RPS6KA2: variants seen among roughly 807,000 people sequenced by gnomAD.
The protein encoded by RPS6KA2 is ribosomal protein S6 kinase alpha-2.
Under a neutral mutation model 91.8 loss-of-function variants are expected in RPS6KA2, and 42 were observed. That is an observed-to-expected ratio of 0.46 (90% confidence interval 0.36 to 0.59). RPS6KA2 has a LOEUF of 0.59. RPS6KA2 is among the 20% of genes least tolerant of loss of function. The pLI, the probability that RPS6KA2 is intolerant of heterozygous loss-of-function variation, is 0.00. For synonymous variants in RPS6KA2, 414 were observed against 393.6 expected (o/e 1.05, Z -0.61); for missense variants, 798 against 978.5 (o/e 0.82, Z 2.46).
At chr6:166,812,605 C>T (rs1779668045) in intron 2 of RPS6KA2, among the ~76,000 whole-genome samples, 1 of 152,162 alleles carries the variant, frequency 6.6e-6, no homozygotes, top group Admixed American at 6.5e-5. Flanking sequence ...CGCGTGGCCT[C>T]CCATACCCGT....
At chr6:166,572,070 C>T (rs11752048) in intron 1 of RPS6KA2, among the ~76,000 whole-genome samples, 2 of 152,080 alleles carry the variant, frequency 1.3e-5, no homozygotes, top group African/African-American at 4.8e-5. Flanking sequence ...CACTATAATA[C>T]TCAGTTTCAT....
chr6:166,563,362 C>G lies in RPS6KA2; in HGVS notation c.100-24578G>C, dbSNP rs1485868643. Among the ~76,000 whole-genome samples, 2 of 152,194 alleles carry G rather than the reference C, an allele frequency of 1.3e-5. No homozygotes were observed. Among genetic ancestry groups the G allele is most frequent in the African/African-American group, 2.4e-5 (1 of 41,432 alleles). On this transcript the variant is annotated intron_variant, in intron 1 of 20. Transcript: ENST00000265678. The surrounding 1 kb of genome is among the most constrained non-coding windows in gnomAD (Gnocchi z 4.1). ...CCTTCTTTTCCGCAGCTCACCTGTT[C>G]CCGGCTTTTCCTCCCAGTCTCCTGG...
intron 2 of RPS6KA2, among the ~76,000 whole-genome samples, chr6:166,835,005 C>A (rs1200821069): frequency 6.6e-6 from 1 of 152,040 alleles, no homozygotes; most frequent in Non-Finnish European, 1.5e-5. Context: ...ATGCAAACAC[C>A]AAGGCTTATC....
chr6:166,602,365 A>G (rs575598859), intron 1 of RPS6KA2, among the ~76,000 whole-genome samples: 1 of 152,378 alleles, frequency 6.6e-6, no homozygotes, highest in Non-Finnish European at 1.5e-5. Flanking sequence ...TATACCCGAG[A>G]GAACCTCCCC....
chr6:166,824,098 T>C (rs1779974251), intron 2 of RPS6KA2, among the ~76,000 whole-genome samples: 1 of 152,116 alleles, frequency 6.6e-6, no homozygotes, highest in African/African-American at 2.4e-5. Context: ...TATATGTGTA[T>C]ACACATGTGA....
At chr6:166,841,700 G>T (rs1352875737) in intron 2 of RPS6KA2, among the ~76,000 whole-genome samples, 3 of 152,204 alleles carry the variant, frequency 2.0e-5, no homozygotes, top group Non-Finnish European at 4.4e-5. Flanking sequence ...CTAAGGAAAA[G>T]GTGAGAGGGG....
chr6:166,419,858 C>T lies in RPS6KA2; in HGVS notation c.1820+24G>A. On this transcript the variant is annotated intron_variant, in intron 18 of 20. Coordinates refer to ENST00000265678, the MANE Select transcript of RPS6KA2 (RefSeq NM_021135.6). This position sits in a 1 kb window ranked among gnomAD's most constrained non-coding sequence, Gnocchi z 5.6. Reference sequence around the variant, plus strand: ...GCTGCTGCCCTGTGTCTCCTCCTGACACCTGTTTGAGGTGACTGCTTACCC... The same window carrying T: ...GCTGCTGCCCTGTGTCTCCTCCTGATACCTGTTTGAGGTGACTGCTTACCC... 5.0e-6 allele frequency: 8 copies of T among 1,605,080 alleles called. No homozygotes were observed. The highest frequency in any genetic ancestry group is 6.8e-6 in the Non-Finnish European group (8 of 1,171,970).
At chr6:166,543,156 G>A (rs1216302780) in intron 1 of RPS6KA2, among the ~76,000 whole-genome samples, 4 of 152,162 alleles carry the variant, frequency 2.6e-5, no homozygotes, top group Admixed American at 6.5e-5. Flanking sequence ...AGTCCCTCCT[G>A]AATCCCAGGT....
rs373005161 is a variant in RPS6KA2, at chr6:166,413,928, C to T, written c.1942G>A (p.Val648Ile). The change falls in exon 20 of 21, where the codon GTC (valine) becomes ATC (isoleucine). Residue 648 changes from valine (V) to isoleucine (I), a missense_variant. Transcript: ENST00000265678. ...TCCACGTGGAGCATCTTGGACACGA[C>T]GTCCTGCCAGGGAAGGTCATGAGAG... ...WDSISDAAKD[V>I]VSKMLHVDPH... 48 of 1,613,502 alleles carry T rather than the reference C, an allele frequency of 3.0e-5. No individual in the cohort carries two copies. The highest frequency in any genetic ancestry group is 6.7e-5 in the Admixed American group (4 of 59,984).
intron 5 of RPS6KA2, among the ~76,000 whole-genome samples, chr6:166,505,811 C>A (rs1782197090): frequency 6.6e-6 from 1 of 152,242 alleles, no homozygotes; most frequent in Admixed American, 6.5e-5. Flanking sequence ...ATGTATGTTT[C>A]TTTTCTAGAT....
intron 6 of RPS6KA2, among the ~76,000 whole-genome samples, chr6:166,504,039 CTG>C (rs947526177): frequency 1.3e-5 from 2 of 152,110 alleles, no homozygotes; most frequent in African/African-American, 4.8e-5. Context: ...CTGGGACTTG[CTG>C]AAGTAGATGA....
chr6:166,717,009 C>T (rs1193570792), intron 2 of RPS6KA2, among the ~76,000 whole-genome samples: 3 of 152,166 alleles, frequency 2.0e-5, no homozygotes, highest in African/African-American at 2.4e-5. Context: ...TAGGAGGATC[C>T]GGAGCCAGAA....
intron 1 of RPS6KA2, among the ~76,000 whole-genome samples, chr6:166,547,753 GA>G (rs1472802806): frequency 1.3e-5 from 2 of 152,266 alleles, no homozygotes; most frequent in African/African-American, 4.8e-5. Flanking sequence ...TGCAATGCAG[GA>G]AAGGATGGAA....
intron 2 of RPS6KA2, among the ~76,000 whole-genome samples, chr6:166,663,456 G>A (rs770184520): frequency 1.3e-5 from 2 of 152,158 alleles, no homozygotes; most frequent in South Asian, 4.1e-4. Context: ...TACTGAGAGC[G>A]GGTTCTCCAC....
upstream of RPS6KA2, among the ~76,000 whole-genome samples, chr6:166,628,913 C>A (rs779006110): frequency 1.3e-5 from 2 of 152,254 alleles, no homozygotes; most frequent in African/African-American, 2.4e-5. Flanking sequence ...CAGGACCCCA[C>A]AAGGACACCA....
chr6:166,823,092 G>A (rs925077034), intron 2 of RPS6KA2, among the ~76,000 whole-genome samples: 4 of 152,224 alleles, frequency 2.6e-5, no homozygotes, highest in African/African-American at 7.2e-5. Context: ...GAATATTGGT[G>A]AGACTCTAGA....
intron 11 of RPS6KA2, chr6:166,463,234 G>C (rs968022503): frequency 3.9e-5 from 6 of 152,248 alleles, no homozygotes; most frequent in African/African-American, 1.4e-4. Context: ...TGAGGCTTTG[G>C]GGGAGAAGTC....
intron 10 of RPS6KA2, among the ~76,000 whole-genome samples, chr6:166,486,283 C>T (rs1004831308): frequency 7.3e-5 from 11 of 150,754 alleles, no homozygotes; most frequent in African/African-American, 2.0e-4. Context: ...TGCACGCACA[C>T]GCATGAACAC....
intron 8 of RPS6KA2, among the ~76,000 whole-genome samples, chr6:166,497,287 T>C (rs760402308): frequency 3.9e-5 from 6 of 152,224 alleles, no homozygotes; most frequent in Non-Finnish European, 8.8e-5. Flanking sequence ...CTGCAGGCAT[T>C]CTCTCAAGTG....
Sources: gnomAD v4.1 joint callset for allele counts (sites outside exome capture counted in the v4.1 genomes callset) on GRCh38, gnomAD v4.1.1 for gene constraint, Gnocchi (gnomAD v3.1) non-coding constraint, MANE v1.5 for transcripts, NCBI Gene and HGNC (gene_info 2026-07-23, HGNC 2026-07-21) for gene names.